Variants in SMIM14 observed in about 807,000 individuals in gnomAD.
SMIM14 encodes small integral membrane protein 14.
SMIM14 carries 5 observed loss-of-function variants against 12.6 expected under a neutral mutation model. The ratio of observed to expected loss-of-function variants is 0.40; its 90% CI spans 0.21 to 0.83. The LOEUF is 0.83. SMIM14 is among the 40% of genes least tolerant of loss of function. SMIM14 has a pLI of 0.37. For missense variants in SMIM14, 86 were observed against 119.1 expected, an observed-to-expected ratio of 0.72 and a Z score of 1.29; for synonymous variants, 30 against 40.1, an observed-to-expected ratio of 0.75 and a Z score of 0.95.
intron 2 of SMIM14, among the ~76,000 whole-genome samples, chr4:39,578,144 T>C (rs544974111): frequency 6.6e-6 from 1 of 152,208 alleles, no homozygotes; most frequent in Non-Finnish European, 1.5e-5. Context: ...ATTTTAGTTC[T>C]GGGAATTTTG....
intron 2 of SMIM14, among the ~76,000 whole-genome samples, chr4:39,576,692 T>A (rs1180853876): frequency 0.05 from 429 of 8,496 alleles, no homozygotes; most frequent in African/African-American, 0.063. Flanking sequence ...ATATTTTTTT[T>A]TTTTTTTTTT....
intron 3 of SMIM14, among the ~76,000 whole-genome samples, chr4:39,564,614 T>C (rs1712480550): frequency 6.6e-6 from 1 of 152,182 alleles, no homozygotes; most frequent in African/African-American, 2.4e-5. Flanking sequence ...TATTTCAGAT[T>C]AGCGTTTTTT....
At chr4:39,632,304 AC>A (rs1439361526) in intron 1 of SMIM14, among the ~76,000 whole-genome samples, 1 of 151,776 alleles carries the variant, frequency 6.6e-6, no homozygotes, top group Non-Finnish European at 1.5e-5. Flanking sequence ...ACATGGTGAA[AC>A]CCCGTCTCTA....
At chr4:39,626,007 AAGG>A (rs1220513940) in intron 1 of SMIM14, among the ~76,000 whole-genome samples, 1 of 152,148 alleles carries the variant, frequency 6.6e-6, no homozygotes, top group Admixed American at 6.6e-5. Context: ...AGCACAGCAG[AAGG>A]AGGTGAGGTG....
chr4:39,557,835 A>G (rs1015448415), intron 3 of SMIM14, among the ~76,000 whole-genome samples: 1 of 152,192 alleles, frequency 6.6e-6, no homozygotes, highest in African/African-American at 2.4e-5. Context: ...AAGAAAGGGG[A>G]CATCTGGGCT....
intron 1 of SMIM14, among the ~76,000 whole-genome samples, chr4:39,613,417 C>T (rs185797152): frequency 2.8e-4 from 42 of 152,332 alleles, no homozygotes; most frequent in African/African-American, 1.0e-3. Flanking sequence ...TTAAGTACTA[C>T]TCCGTTTTCA....
intron 2 of SMIM14, among the ~76,000 whole-genome samples, chr4:39,576,684 A>ATATAT (rs1560289781): frequency 1.2e-4 from 3 of 25,544 alleles, no homozygotes; most frequent in African/African-American, 3.1e-4. Context: ...ATATATATAT[A>ATATAT]TTTTTTTTTT....
intron 1 of SMIM14, among the ~76,000 whole-genome samples, chr4:39,632,827 A>AC (rs1560312651): frequency 2.0e-5 from 3 of 146,516 alleles, no homozygotes; most frequent in Admixed American, 1.4e-4. Context: ...ACACACACAC[A>AC]AAAGAAAAAG....
intron 3 of SMIM14, among the ~76,000 whole-genome samples, chr4:39,567,240 C>T (rs28817975): frequency 0.12 from 18,374 of 149,450 alleles, 2,559 homozygotes; most frequent in African/African-American, 0.34. Flanking sequence ...TTATTAAAGG[C>T]TGAAACTAGA....
chr4:39,556,776 C>T (rs547608440), intron 3 of SMIM14, among the ~76,000 whole-genome samples: 1 of 152,172 alleles, frequency 6.6e-6, no homozygotes, highest in South Asian at 2.1e-4. Flanking sequence ...TAAACCAAAA[C>T]TTAGTAAGTT....
In SMIM14 at chr4:39,604,010, C is replaced by CA. The variant is rs755443266; in HGVS notation, c.75+1060dup. ...TGGGTGGCAGAGTGAGACACTGTCT[C>CA]AAAAAAAAAAAAAAAAGAAATGCTT... is the stretch of plus-strand genomic sequence containing the variant. On this transcript the variant is annotated intron_variant, in intron 2 of 4. Coordinates refer to ENST00000295958, the MANE Select transcript of SMIM14 (RefSeq NM_174921.3). Among the ~76,000 whole-genome samples, 750 of 82,150 alleles carry CA rather than the reference C, an allele frequency of 9.1e-3. 8 individuals are homozygous for CA. The highest frequency in any genetic ancestry group is 0.025 in the African/African-American group (546 of 21,794). The allele number at this position is 82,150 out of a possible 152,430, so 53.9% of individuals were successfully genotyped here. A position where few individuals can be genotyped will look rare whatever the true frequency, so the allele number is the denominator to read the frequency against.
At chr4:39,590,421 A>C (rs1714006755) in intron 2 of SMIM14, among the ~76,000 whole-genome samples, 1 of 152,008 alleles carries the variant, frequency 6.6e-6, no homozygotes, top group Admixed American at 6.6e-5. Context: ...CTCAAAAAAA[A>C]AAAAGAATGA....
At chr4:39,608,509 T>C (rs1291172207) in intron 1 of SMIM14, among the ~76,000 whole-genome samples, 2 of 152,212 alleles carry the variant, frequency 1.3e-5, no homozygotes, top group Non-Finnish European at 2.9e-5. Context: ...TGAATGAACT[T>C]TGAAAACATT....
intron 2 of SMIM14, among the ~76,000 whole-genome samples, chr4:39,577,409 G>A (rs1290191722): frequency 6.7e-6 from 1 of 149,286 alleles, no homozygotes. Flanking sequence ...TCACTGCTGG[G>A]CAGACAGGAG....
intron 2 of SMIM14, among the ~76,000 whole-genome samples, chr4:39,586,184 G>A (rs1713775526): frequency 6.6e-6 from 1 of 151,914 alleles, no homozygotes; most frequent in African/African-American, 2.4e-5. Flanking sequence ...TTTGTTATGT[G>A]GACAGGCTGA....
intron 2 of SMIM14, among the ~76,000 whole-genome samples, chr4:39,602,456 G>A (rs1156936669): frequency 2.0e-5 from 3 of 152,076 alleles, no homozygotes; most frequent in Admixed American, 6.6e-5. Flanking sequence ...GTAGCTGGGC[G>A]TGGTGGCAGG....
chr4:39,630,437 T>C (rs565860317), intron 1 of SMIM14, among the ~76,000 whole-genome samples: 6 of 152,202 alleles, frequency 3.9e-5, no homozygotes, highest in Admixed American at 6.5e-5. Context: ...GGACTATGGC[T>C]ACTGCTCTCC....
chr4:39,611,730 T>A (rs1715042448), intron 1 of SMIM14, among the ~76,000 whole-genome samples: 1 of 152,200 alleles, frequency 6.6e-6, no homozygotes, highest in Non-Finnish European at 1.5e-5. Flanking sequence ...GCAAAATTTC[T>A]GTACAGCATG....
At chr4:39,615,918 T>C (rs1470563055) in intron 1 of SMIM14, among the ~76,000 whole-genome samples, 5 of 152,210 alleles carry the variant, frequency 3.3e-5, no homozygotes, top group Non-Finnish European at 7.3e-5. Flanking sequence ...TGTGGATTAC[T>C]GAAAATTTAA....
Sources: allele counts gnomAD v4.1 joint callset (sites outside exome capture counted in the v4.1 genomes callset), GRCh38; gene constraint gnomAD v4.1.1; transcripts MANE v1.5; gene names NCBI Gene and HGNC (gene_info 2026-07-23, HGNC 2026-07-21).